The following RAB31 variants were observed in gnomAD, a reference collection of about 807,000 sequenced individuals.
RAB31 encodes ras-related protein Rab-31.
A neutral mutation model predicts 25.6 loss-of-function variants in RAB31; 21 were observed. The observed-to-expected ratio is 0.82, with a 90% confidence interval of 0.58 to 1.18. RAB31 has a LOEUF of 1.18. RAB31 is among the 50% of genes most tolerant of loss of function. The pLI, the probability that RAB31 is intolerant of heterozygous loss-of-function variation, is 0.00. For missense variants in RAB31, 196 were observed against 250.1 expected, an observed-to-expected ratio of 0.78 and a Z score of 1.46; for synonymous variants, 87 against 84.0, an observed-to-expected ratio of 1.04 and a Z score of -0.20.
rs369969845 is a variant in RAB31 at position 9,710,623 on chromosome 18, CG to C, written c.39+2185del. Among the ~76,000 whole-genome samples the C allele has an allele frequency of 3.6e-4, 55 of 152,112 alleles. 1 individual carries two copies. Among genetic ancestry groups the C allele is most frequent in the African/African-American group, 1.3e-3 (52 of 41,500 alleles). On this transcript the variant is annotated intron_variant, in intron 1 of 6. Coordinates refer to ENST00000578921, the MANE Select transcript of RAB31 (RefSeq NM_006868.4). ...ATCCCAGCACTTTGGGAGGCTGAGGCGGGGGGATCATTTGAGGTCAGGAGTT... is the reference window on the plus strand; with the variant it reads ...ATCCCAGCACTTTGGGAGGCTGAGGCGGGGGATCATTTGAGGTCAGGAGTT...
chr18:9,708,360 C>A lies in RAB31; in HGVS notation c.-46C>A. On this transcript the variant is annotated 5_prime_UTR_variant, in exon 1 of 7. Coordinates refer to ENST00000578921, the MANE Select transcript of RAB31 (RefSeq NM_006868.4). This position sits in a 1 kb window ranked among gnomAD's most constrained non-coding sequence, Gnocchi z 6.4. ...CGCCGGCGGGGCGCGGGCGCGGCGG[C>A]CCCGGAGGATGCTGCTGAGCCCCGG... is the stretch of plus-strand genomic sequence containing the variant. 1 of 1,462,772 alleles carries A rather than the reference C, an allele frequency of 6.8e-7. No homozygotes were observed. The highest frequency in any genetic ancestry group is 1.3e-5 in the South Asian group (1 of 75,394). The allele number at this position is 1,462,772 out of a possible 1,614,324, so 90.6% of individuals were successfully genotyped here.
At chr18:9,725,840 C>T (rs1320589765) in intron 1 of RAB31, among the ~76,000 whole-genome samples, 5 of 152,146 alleles carry the variant, frequency 3.3e-5, no homozygotes, top group Admixed American at 3.3e-4. Flanking sequence ...AGGCAAAGTC[C>T]AGTATCAGAG....
chr18:9,774,977 A>G (rs1047743446), intron 1 of RAB31: 5 of 537,082 alleles, frequency 9.3e-6, no homozygotes, highest in African/African-American at 3.8e-5. Context: ...CCAAGATTTC[A>G]GAATTTCTGA....
At chr18:9,748,746 C>T (rs965000806) in intron 1 of RAB31, among the ~76,000 whole-genome samples, 1 of 152,000 alleles carries the variant, frequency 6.6e-6, no homozygotes. Context: ...CAAAAATTAG[C>T]TGGGTGTGGT....
intron 1 of RAB31, among the ~76,000 whole-genome samples, chr18:9,764,826 G>A (rs2068307057): frequency 6.6e-6 from 1 of 152,152 alleles, no homozygotes; most frequent in Admixed American, 6.5e-5. Context: ...CTAAATGCTT[G>A]AGTTCACTTA....
intron 1 of RAB31, among the ~76,000 whole-genome samples, chr18:9,767,751 G>C (rs923288788): frequency 5.9e-5 from 9 of 151,924 alleles, no homozygotes; most frequent in Admixed American, 5.9e-4. Flanking sequence ...TTAAGTTCTG[G>C]GACACATGTG....
At chr18:9,855,383 T>C (rs1000054166) in intron 6 of RAB31, among the ~76,000 whole-genome samples, 1 of 152,146 alleles carries the variant, frequency 6.6e-6, no homozygotes, top group African/African-American at 2.4e-5. Flanking sequence ...TAGAGCACAT[T>C]TTGTAAGAGT....
At chr18:9,818,902 A>G (rs1405095033) in intron 5 of RAB31, among the ~76,000 whole-genome samples, 1 of 152,142 alleles carries the variant, frequency 6.6e-6, no homozygotes, top group African/African-American at 2.4e-5. Flanking sequence ...ATGTCTTTTC[A>G]TATGTTTATT....
At chr18:9,793,400 C>T (rs932017738) in intron 3 of RAB31, among the ~76,000 whole-genome samples, 28 of 152,116 alleles carry the variant, frequency 1.8e-4, no homozygotes, top group Admixed American at 1.0e-3. Flanking sequence ...CGGTGGCTCA[C>T]GCCTGTAATC....
chr18:9,777,264 G>A (rs181053822), intron 2 of RAB31, among the ~76,000 whole-genome samples: 1 of 152,276 alleles, frequency 6.6e-6, no homozygotes, highest in East Asian at 1.9e-4. Context: ...GGTGGTGGTT[G>A]CAGTGAGCTG....
intron 5 of RAB31, among the ~76,000 whole-genome samples, chr18:9,832,630 C>T (rs1011390265): frequency 2.6e-5 from 4 of 152,180 alleles, no homozygotes; most frequent in East Asian, 3.9e-4. Flanking sequence ...CACACCCCTC[C>T]GAGCATGTGC....
At chr18:9,763,058 GT>G in intron 1 of RAB31, among the ~76,000 whole-genome samples, 1 of 152,120 alleles carries the variant, frequency 6.6e-6, no homozygotes, top group Non-Finnish European at 1.5e-5. Flanking sequence ...AAGGGACAGT[GT>G]TTTTAAATAT....
Position 9,773,190 on chromosome 18 carries a change from C to T in RAB31, c.40-2088C>T, listed in dbSNP as rs184241972. Among the ~76,000 whole-genome samples the T allele has an allele frequency of 4.6e-5, 7 of 152,162 alleles. No homozygotes were observed. The East Asian group carries it at 1.2e-3, about 25-fold the overall frequency. On this transcript the variant is annotated intron_variant, in intron 1 of 6. Coordinates refer to ENST00000578921, the MANE Select transcript of RAB31 (RefSeq NM_006868.4). ...ATTAAAAGCCAAGTCCCCTGTTGCC[C>T]CAGGTTTGCTGGAATTGTCCCCCAA...
At chr18:9,773,811 G>A (rs1470133110) in intron 1 of RAB31, among the ~76,000 whole-genome samples, 3 of 151,920 alleles carry the variant, frequency 2.0e-5, no homozygotes, top group South Asian at 2.1e-4. Context: ...GGCCCATGTC[G>A]CCACACCCGG....
intron 1 of RAB31, among the ~76,000 whole-genome samples, chr18:9,755,217 T>C (rs573418437): frequency 6.6e-6 from 1 of 152,350 alleles, no homozygotes; most frequent in South Asian, 2.1e-4. Context: ...GTCTTAATAA[T>C]TCATAGATAT....
chr18:9,755,309 C>A (rs545624664), intron 1 of RAB31, among the ~76,000 whole-genome samples: 2 of 152,124 alleles, frequency 1.3e-5, no homozygotes, highest in African/African-American at 2.4e-5. Context: ...TTCCCTTAGT[C>A]ACCATTTTTT....
rs1022909472 is a variant in RAB31 at position 9,861,251 on chromosome 18, G to C, written c.*1926G>C. The C allele has an allele frequency of 2.0e-5, 3 of 152,168 alleles. No homozygotes were observed. The highest frequency in any genetic ancestry group is 7.2e-5 in the African/African-American group (3 of 41,426). The allele number at this position is 152,168 out of a possible 1,614,324, so 9.4% of individuals were successfully genotyped here. The stretch of plus-strand genomic sequence containing the variant: ...GCTGTTCAGGTTTTTTAGCTGAGGG[G>C]TAAGTATCCTAGCTGAGAGTTTTGC... On this transcript the variant is annotated 3_prime_UTR_variant, in exon 7 of 7. Coordinates refer to ENST00000578921, the MANE Select transcript of RAB31 (RefSeq NM_006868.4).
intron 1 of RAB31, among the ~76,000 whole-genome samples, chr18:9,758,955 G>A (rs1439819721): frequency 2.0e-5 from 3 of 152,130 alleles, no homozygotes; most frequent in African/African-American, 7.2e-5. Context: ...GCTCTGTTGG[G>A]TGGGACAGGA....
At chr18:9,834,398 G>C (rs1387005564) in intron 5 of RAB31, among the ~76,000 whole-genome samples, 1 of 152,172 alleles carries the variant, frequency 6.6e-6, no homozygotes, top group African/African-American at 2.4e-5. Context: ...TTACAGGCTT[G>C]AGCCACTGTG....
Sources: allele counts gnomAD v4.1 joint callset (sites outside exome capture counted in the v4.1 genomes callset), GRCh38; gene constraint gnomAD v4.1.1; non-coding constraint Gnocchi (gnomAD v3.1); transcripts MANE v1.5; gene names NCBI Gene and HGNC (gene_info 2026-07-23, HGNC 2026-07-21).